TENM4: variants seen among roughly 807,000 people sequenced by gnomAD.
TENM4 encodes teneurin-4.
Under a neutral mutation model 243.3 loss-of-function variants are expected in TENM4, and 82 were observed. The observed-to-expected ratio is 0.34, with a 90% confidence interval of 0.28 to 0.40. The LOEUF is 0.40. Among genes scored for constraint, TENM4 ranks in the 10% least tolerant of loss-of-function variants. TENM4 has a pLI of 1.00. For missense variants in TENM4, 3,138 were observed against 3,673.3 expected, an observed-to-expected ratio of 0.85 and a Z score of 3.77; for synonymous variants, 1,412 against 1,456.3, an observed-to-expected ratio of 0.97 and a Z score of 0.69.
intron 9 of TENM4, among the ~76,000 whole-genome samples, chr11:78,880,457 T>TAAAAAAAAAA (rs71763484): frequency 0.011 from 1,133 of 103,908 alleles, 4 homozygotes; most frequent in African/African-American, 0.019. Flanking sequence ...CAATAAATAC[T>TAAAAAAAAAA]AAAAAAAAAA....
At chr11:79,383,640 G>A (rs148545958) in intron 1 of TENM4, among the ~76,000 whole-genome samples, 32 of 152,254 alleles carry the variant, frequency 2.1e-4, no homozygotes, top group African/African-American at 7.2e-4. Context: ...GGGCCAGGGA[G>A]GGTGCTCATG....
intron 19 of TENM4, among the ~76,000 whole-genome samples, chr11:78,741,589 C>T (rs968313372): frequency 2.6e-5 from 4 of 152,078 alleles, no homozygotes; most frequent in Non-Finnish European, 4.4e-5. Flanking sequence ...TTTAATGTAC[C>T]TTATTTAATT....
intron 6 of TENM4, among the ~76,000 whole-genome samples, chr11:78,945,351 C>T (rs1856985550): frequency 6.6e-6 from 1 of 152,166 alleles, no homozygotes; most frequent in African/African-American, 2.4e-5. Context: ...TTTGGTGTTA[C>T]TATTGTAATT....
intron 3 of TENM4, among the ~76,000 whole-genome samples, chr11:79,172,738 C>T (rs1435080965): frequency 2.0e-5 from 3 of 148,502 alleles, no homozygotes; most frequent in East Asian, 2.0e-4. Context: ...GATCTTGGCT[C>T]ACTGCAACCT....
At chr11:79,329,180 C>A (rs1336094029) in intron 1 of TENM4, among the ~76,000 whole-genome samples, 1 of 152,190 alleles carries the variant, frequency 6.6e-6, no homozygotes, top group Non-Finnish European at 1.5e-5. Flanking sequence ...CCTTTTCCCT[C>A]ATGGCATGTA....
intron 12 of TENM4, among the ~76,000 whole-genome samples, chr11:78,840,783 G>T (rs1011230922): frequency 1.3e-5 from 2 of 152,168 alleles, no homozygotes; most frequent in African/African-American, 4.8e-5. Flanking sequence ...GTACTGACTT[G>T]GGAGGGGCCC....
At chr11:78,908,420 A>G (rs1447334668) in intron 6 of TENM4, among the ~76,000 whole-genome samples, 1 of 152,270 alleles carries the variant, frequency 6.6e-6, no homozygotes, top group Non-Finnish European at 1.5e-5. Flanking sequence ...CAATTACAAT[A>G]AAGTCATGTT....
At chr11:79,088,355 A>G (rs1860866101) in intron 4 of TENM4, among the ~76,000 whole-genome samples, 1 of 152,150 alleles carries the variant, frequency 6.6e-6, no homozygotes, top group Non-Finnish European at 1.5e-5. Context: ...GCGGGGAGAC[A>G]GGGAGGGTGA....
At chr11:78,969,554 AC>A (rs1857500248) in intron 6 of TENM4, among the ~76,000 whole-genome samples, 1 of 152,240 alleles carries the variant, frequency 6.6e-6, no homozygotes, top group Non-Finnish European at 1.5e-5. Flanking sequence ...AAGACCATTA[AC>A]AAAATATACT....
intron 1 of TENM4, among the ~76,000 whole-genome samples, chr11:79,383,102 G>C (rs373289726): frequency 6.6e-6 from 1 of 152,240 alleles, no homozygotes; most frequent in East Asian, 1.9e-4. Flanking sequence ...CCAGGAGGCT[G>C]GTCAAGTAGG....
At position 78,657,806 on chromosome 11, in the gene TENM4, C is replaced by T. The variant is rs1857931684; in HGVS notation, c.*252G>A. ...GAAAAATCCTCAAGGAAAAAGGGAA[C>T]AAAAGACAATAAAGTTTTCATTGTG... On this transcript the variant is annotated 3_prime_UTR_variant, in exon 34 of 34. Coordinates refer to ENST00000278550, the MANE Select transcript of TENM4 (RefSeq NM_001098816.3). 5 of 590,080 alleles carry T rather than the reference C, an allele frequency of 8.5e-6. No individual in the cohort carries two copies. The highest frequency in any genetic ancestry group is 1.2e-5 in the Non-Finnish European group (4 of 337,050). The allele number at this position is 590,080 out of a possible 1,614,324, so 36.6% of individuals were successfully genotyped here. A position where few individuals can be genotyped will look rare whatever the true frequency, so the allele number is the denominator to read the frequency against.
intron 4 of TENM4, among the ~76,000 whole-genome samples, chr11:79,120,972 A>G (rs10751304): frequency 0.68 from 102,913 of 152,134 alleles, 37,039 homozygotes; most frequent in Non-Finnish European, 0.83. Flanking sequence ...ACTTGCCCAA[A>G]GTCACACATT....
chr11:78,665,643 A>G (rs1858139218), intron 32 of TENM4, among the ~76,000 whole-genome samples: 1 of 152,236 alleles, frequency 6.6e-6, no homozygotes, highest in Admixed American at 6.5e-5. Flanking sequence ...GGGTTTTGGA[A>G]TCAGAGCAGA....
At chr11:78,886,414 C>T (rs1332783584) in intron 9 of TENM4, among the ~76,000 whole-genome samples, 1 of 152,176 alleles carries the variant, frequency 6.6e-6, no homozygotes, top group Non-Finnish European at 1.5e-5. Context: ...ATGCTTATGC[C>T]TTGTCCTCAG....
chr11:79,111,900 A>G (rs1861516911), intron 4 of TENM4, among the ~76,000 whole-genome samples: 1 of 152,206 alleles, frequency 6.6e-6, no homozygotes, highest in Admixed American at 6.5e-5. Flanking sequence ...AATTTATTAG[A>G]TGAAGAGCAG....
chr11:78,963,795 A>C (rs1857380958), intron 6 of TENM4, among the ~76,000 whole-genome samples: 1 of 149,932 alleles, frequency 6.7e-6, no homozygotes, highest in African/African-American at 2.5e-5. Flanking sequence ...GCAGTGGCAC[A>C]ATCTTGGCTC....
chr11:78,890,138 A>AGG, intron 8 of TENM4, 118 bp from the exon 9 acceptor site: 1 of 745,948 alleles, frequency 1.3e-6, no homozygotes, highest in Non-Finnish European at 2.1e-6. Context: ...GGATAGAGAG[A>AGG]GTCACCACAG....
chr11:78,832,507 T>G (rs753931866), intron 12 of TENM4, among the ~76,000 whole-genome samples: 1 of 152,278 alleles, frequency 6.6e-6, no homozygotes, highest in Admixed American at 6.5e-5. Flanking sequence ...TTATCCATAT[T>G]AATAGAGTTG....
At chr11:78,847,725 C>T (rs567809260) in intron 12 of TENM4, among the ~76,000 whole-genome samples, 116 of 152,216 alleles carry the variant, frequency 7.6e-4, no homozygotes, top group African/African-American at 2.4e-3. Context: ...TTCTTCATTG[C>T]TGTATTTATA....
Sources: gnomAD v4.1 joint callset for allele counts (sites outside exome capture counted in the v4.1 genomes callset) on GRCh38, gnomAD v4.1.1 for gene constraint, MANE v1.5 for transcripts, NCBI Gene and HGNC (gene_info 2026-07-23, HGNC 2026-07-21) for gene names.